TBC1D12: variants seen among roughly 807,000 people sequenced by gnomAD.
The protein encoded by TBC1D12 is TBC1 domain family member 12, also known as TBC1 domain family, member 12.
In TBC1D12, 56 loss-of-function variants were observed where a neutral mutation model predicts 86.7. The ratio of observed to expected loss-of-function variants is 0.65; its 90% CI spans 0.52 to 0.81. TBC1D12 has a LOEUF of 0.81. TBC1D12 is among the 30% of genes least tolerant of loss of function. The pLI, the probability that TBC1D12 is intolerant of heterozygous loss-of-function variation, is 0.00. For missense variants in TBC1D12, 1,023 were observed against 1,038.8 expected (o/e 0.98, Z 0.21); for synonymous variants, 421 against 411.7 (o/e 1.02, Z -0.27).
chr10:94,528,255 A>G (rs1842346154), intron 11 of TBC1D12, among the ~76,000 whole-genome samples: 1 of 152,062 alleles, frequency 6.6e-6, no homozygotes, highest in African/African-American at 2.4e-5. Flanking sequence ...AGTTTCTTTC[A>G]TCAGTGTTTT....
intron 1 of TBC1D12, among the ~76,000 whole-genome samples, chr10:94,435,257 G>T (rs1382305627): frequency 2.0e-5 from 3 of 152,114 alleles, no homozygotes; most frequent in African/African-American, 7.2e-5. Context: ...GTATGCAGCT[G>T]TTCAACTTTA....
chr10:94,438,417 G>A (rs1392607047), intron 1 of TBC1D12, among the ~76,000 whole-genome samples: 1 of 108,978 alleles, frequency 9.2e-6, no homozygotes, highest in Non-Finnish European at 1.9e-5. Flanking sequence ...CTTTTTTATT[G>A]TTCTAATAAT....
At chr10:94,500,723 C>G (rs2134188814) in intron 6 of TBC1D12, among the ~76,000 whole-genome samples, 1 of 152,210 alleles carries the variant, frequency 6.6e-6, no homozygotes, top group East Asian at 1.9e-4. Context: ...TTTCCTCCTT[C>G]TTTACCTAAA....
At chr10:94,520,408 C>T (rs1201653799) in intron 9 of TBC1D12, among the ~76,000 whole-genome samples, 8 of 151,760 alleles carry the variant, frequency 5.3e-5, no homozygotes, top group Non-Finnish European at 5.9e-5. Context: ...CAAAATTAGC[C>T]GGGGTGGTGG....
chr10:94,509,780 T>G (rs1375583545), intron 7 of TBC1D12: 1 of 291,808 alleles, frequency 3.4e-6, no homozygotes, highest in Non-Finnish European at 6.3e-6. Context: ...AGCTCTCTGA[T>G]GATTTTTTAA....
chr10:94,509,911 T>C, intron 7 of TBC1D12, 180 bp from the exon 8 acceptor site: 1 of 539,806 alleles, frequency 1.9e-6, no homozygotes, highest in South Asian at 2.5e-5. Flanking sequence ...AATGTATAGC[T>C]ATTTTCTTTG....
chr10:94,523,043 CAAAAAAAA>C (rs35912130), intron 11 of TBC1D12, among the ~76,000 whole-genome samples: 1 of 64,634 alleles, frequency 1.5e-5, no homozygotes, highest in African/African-American at 6.4e-5. Flanking sequence ...GACTCCAGCT[CAAAAAAAA>C]AAAAAAAAAA....
intron 1 of TBC1D12, among the ~76,000 whole-genome samples, chr10:94,441,302 T>C (rs966711965): frequency 1.3e-5 from 2 of 152,042 alleles, no homozygotes; most frequent in African/African-American, 2.4e-5. Flanking sequence ...TTAGTAGATA[T>C]AATTTTATTA....
At chr10:94,430,011 C>T (rs970329063) in intron 1 of TBC1D12, among the ~76,000 whole-genome samples, 4 of 152,162 alleles carry the variant, frequency 2.6e-5, no homozygotes, top group African/African-American at 7.2e-5. Flanking sequence ...GCTGGTATTA[C>T]AGGTGTGAGT....
At chr10:94,508,842 C>T (rs2056492930) in intron 7 of TBC1D12, 1 of 152,004 alleles carries the variant, frequency 6.6e-6, no homozygotes, top group South Asian at 2.1e-4. Flanking sequence ...CCCTTGTTTC[C>T]CCTTTAAAGT....
chr10:94,420,567 C>T (rs1387920436), intron 1 of TBC1D12, among the ~76,000 whole-genome samples: 2 of 152,160 alleles, frequency 1.3e-5, no homozygotes, highest in Non-Finnish European at 2.9e-5. Flanking sequence ...TGTTTTTGGT[C>T]TCTGTGCATT....
At chr10:94,423,545 G>A (rs1564939748) in intron 1 of TBC1D12, among the ~76,000 whole-genome samples, 1 of 151,610 alleles carries the variant, frequency 6.6e-6, no homozygotes, top group African/African-American at 2.4e-5. Flanking sequence ...ATGGGGTTTC[G>A]CCATGTTGGC....
intron 11 of TBC1D12, among the ~76,000 whole-genome samples, chr10:94,528,195 C>T (rs1842344691): frequency 6.6e-6 from 1 of 151,976 alleles, no homozygotes; most frequent in South Asian, 2.1e-4. Context: ...AATATTAATT[C>T]TTCCAATCTA....
rs1420110547 is a variant in TBC1D12, at chr10:94,403,121, G to T, written c.508G>T (p.Gly170Cys). 7.2e-7 allele frequency: 1 copy of T among 1,389,714 alleles called. No individual in the cohort carries two copies. Among genetic ancestry groups the T allele is most frequent in the East Asian group, 3.1e-5 (1 of 32,676 alleles). The allele number at this position is 1,389,714 out of a possible 1,614,324, so 86.1% of individuals were successfully genotyped here. A position where few individuals can be genotyped will look rare whatever the true frequency, so the allele number is the denominator to read the frequency against. Reference protein sequence around the residue: ...GRESRRRRPYGRLRLEGPGDE... With the variant: ...GRESRRRRPYCRLRLEGPGDE... ...GGAGTCGCGCCGCCGCCGCCCCTAC[G>T]GCCGCCTTCGCCTGGAGGGGCCTGG... The change falls in exon 1 of 13, where the codon GGC (glycine) becomes TGC (cysteine). Residue 170 changes from glycine (G) to cysteine (C), a missense_variant. Around this residue, in one of 2 missense-constraint regions of TBC1D12, gnomAD observed 628 missense variants for 531.1 expected, o/e 1.18. Transcript: ENST00000225235.
chr10:94,474,917 C>T, intron 3 of TBC1D12, 134 bp downstream of exon 3: 1 of 822,530 alleles, frequency 1.2e-6, no homozygotes, highest in Non-Finnish European at 1.9e-6. Context: ...TCCCTGTTGT[C>T]TATCCTAAAA....
Position 94,462,808 on chromosome 10 carries a change from A to G in TBC1D12, c.1096-11860A>G, listed in dbSNP as rs371868544. On this transcript the variant is annotated intron_variant, in intron 2 of 12. Transcript: ENST00000225235. ...AATTTTTATCTTCTCTTTTTCATTC[A>G]TCAGTTTTACTAGGAGTTTATCAAT... is the stretch of plus-strand genomic sequence containing the variant. Among the ~76,000 whole-genome samples, 6 of 152,188 alleles carry G rather than the reference A, an allele frequency of 3.9e-5. 1 individual carries two copies. In the South Asian group the frequency reaches 1.2e-3, roughly 32 times the overall value.
chr10:94,497,226 T>TA, intron 5 of TBC1D12, 54 bp downstream of exon 5: 3 of 1,067,706 alleles, frequency 2.8e-6, no homozygotes, highest in Non-Finnish European at 2.7e-6. Context: ...ATCTCATGTT[T>TA]CTTTTTTTTT....
intron 4 of TBC1D12, among the ~76,000 whole-genome samples, chr10:94,495,472 AGTT>A (rs1390610620): frequency 6.6e-6 from 1 of 152,200 alleles, no homozygotes; most frequent in Non-Finnish European, 1.5e-5. Context: ...GCCTGGCTCC[AGTT>A]AAGTTTTTAT....
chr10:94,494,130 T>C lies in TBC1D12; in HGVS notation c.1294+683T>C, dbSNP rs79772569. ...TGTCATTTGGTTAGGTGCATAAAAGTATACTCTTGTGTGTATAAATTTACG... is the reference window on the plus strand; with the variant it reads ...TGTCATTTGGTTAGGTGCATAAAAGCATACTCTTGTGTGTATAAATTTACG... On this transcript the variant is annotated intron_variant, in intron 4 of 12. Transcript: ENST00000225235. Among the ~76,000 whole-genome samples the C allele has an allele frequency of 2.8e-3, 419 of 152,258 alleles. 10 individuals are homozygous for C. The East Asian group carries it at 0.06, about 22-fold the overall frequency.
Sources: allele counts gnomAD v4.1 joint callset (sites outside exome capture counted in the v4.1 genomes callset), GRCh38; gene constraint gnomAD v4.1.1; regional missense constraint gnomAD v4.1.1; transcripts MANE v1.5; gene names NCBI Gene and HGNC (gene_info 2026-07-23, HGNC 2026-07-21).